Variants in ARHGAP31 observed in about 807,000 individuals in gnomAD.
ARHGAP31 encodes rho GTPase-activating protein 31.
In ARHGAP31, 34 loss-of-function variants were observed where a neutral mutation model predicts 113.9. The observed-to-expected ratio is 0.30, with a 90% CI of 0.23 to 0.40. The LOEUF (loss-of-function observed/expected upper bound fraction) is 0.40. Ranked by LOEUF, ARHGAP31 falls within the 10% of genes least tolerant of loss-of-function variation. The pLI, the probability that ARHGAP31 is intolerant of heterozygous loss-of-function variation, is 1.00. For missense variants in ARHGAP31, 1,548 were observed against 1,767.1 expected (o/e 0.88, Z 2.22); for synonymous variants, 650 against 684.8 (o/e 0.95, Z 0.79).
rs143929743 is a variant in ARHGAP31, at chr3:119,389,995, C to A, written c.683-790C>A. Among the ~76,000 whole-genome samples the A allele has an allele frequency of 5.3e-5, 8 of 152,358 alleles. No homozygotes were observed. The East Asian group carries it at 1.5e-3, about 29-fold the overall frequency. The stretch of plus-strand genomic sequence containing the variant: ...TAGACACCAGTAGCACTGCCACACA[C>A]ATTGATGACCATCAAAAATATCTCC... On this transcript the variant is annotated intron_variant, in intron 6 of 11. Coordinates refer to ENST00000264245, the MANE Select transcript of ARHGAP31 (RefSeq NM_020754.4).
In ARHGAP31 at chr3:119,401,968, G is replaced by T. The variant is rs752955355; in HGVS notation, c.1216G>T (p.Gly406Trp). ...GEWGQEGMPP[G>W]AEGGFDVSSD... ...ATGGGGCCAGGAGGGGATGCCTCCC[G>T]GGGCTGAGGGTGGCTTTGATGTGAG... Residue 406 changes from glycine to tryptophan, a missense_variant, in exon 10 of 12, where the codon GGG (glycine) becomes TGG (tryptophan). By Grantham distance (184) the Gly-to-Trp change is radical. Transcript: ENST00000264245. 1 of 1,614,140 alleles carries T rather than the reference G, an allele frequency of 6.2e-7. No homozygotes were observed. The highest frequency in any genetic ancestry group is 2.2e-5 in the East Asian group (1 of 44,884).
intron 1 of ARHGAP31, among the ~76,000 whole-genome samples, chr3:119,354,678 ATTTTT>A (rs762067141): frequency 5.5e-5 from 7 of 127,232 alleles, no homozygotes; most frequent in South Asian, 2.5e-4. Flanking sequence ...TGCCGGGCTA[ATTTTT>A]TTTTTTTTTT....
chr3:119,345,656 G>T (rs939286386), intron 1 of ARHGAP31, among the ~76,000 whole-genome samples: 1 of 152,160 alleles, frequency 6.6e-6, no homozygotes, highest in African/African-American at 2.4e-5. Flanking sequence ...GTGCCAAAAA[G>T]CACTTGATGA....
intron 1 of ARHGAP31, among the ~76,000 whole-genome samples, chr3:119,342,725 G>A (rs147007191): frequency 5.3e-5 from 8 of 152,174 alleles, no homozygotes; most frequent in Non-Finnish European, 1.0e-4. Flanking sequence ...CAAGGTGGGC[G>A]GATCACCTGA....
intron 6 of ARHGAP31, among the ~76,000 whole-genome samples, chr3:119,383,717 G>C (rs1559987430): frequency 6.6e-6 from 1 of 152,210 alleles, no homozygotes; most frequent in African/African-American, 2.4e-5. Context: ...CTCTTCTCAA[G>C]AATTTCTTGA....
intron 1 of ARHGAP31, among the ~76,000 whole-genome samples, chr3:119,333,468 A>T (rs1201017072): frequency 6.6e-6 from 1 of 152,208 alleles, no homozygotes; most frequent in African/African-American, 2.4e-5. Context: ...CTCCAGCTAT[A>T]TTCTTTTTAA....
At position 119,365,188 on chromosome 3, in the gene ARHGAP31, A is replaced by T; in HGVS notation, c.101-128A>T. On this transcript the variant is annotated intron_variant, in intron 1 of 11. Transcript: ENST00000264245. The stretch of plus-strand genomic sequence containing the variant: ...CTACCACTTACAAGAAATTGTTTCC[A>T]CTTGTAAGTCATATGAGTTCCATAC... 3 of 729,932 alleles carry T rather than the reference A, an allele frequency of 4.1e-6. No homozygotes were observed. In the Admixed American group the frequency reaches 6.8e-5, roughly 17 times the overall value. The allele number at this position is 729,932 out of a possible 1,614,324, so 45.2% of individuals were successfully genotyped here.
intron 1 of ARHGAP31, among the ~76,000 whole-genome samples, chr3:119,360,929 G>A (rs1369145559): frequency 6.6e-6 from 1 of 152,164 alleles, no homozygotes; most frequent in East Asian, 1.9e-4. Context: ...GGCCCAGGAT[G>A]AATCCCACAG....
intron 1 of ARHGAP31, among the ~76,000 whole-genome samples, chr3:119,309,999 T>C (rs1055988665): frequency 2.7e-5 from 4 of 148,890 alleles, no homozygotes; most frequent in African/African-American, 1.0e-4. Flanking sequence ...CAAAATAAAA[T>C]AGAATCTCAG....
intron 1 of ARHGAP31, among the ~76,000 whole-genome samples, chr3:119,328,053 T>C (rs2079861156): frequency 6.6e-6 from 1 of 152,194 alleles, no homozygotes; most frequent in Non-Finnish European, 1.5e-5. Flanking sequence ...TTTTTAGATG[T>C]CTCATATTAG....
chr3:119,325,150 A>T (rs1381783229), intron 1 of ARHGAP31, among the ~76,000 whole-genome samples: 1 of 152,192 alleles, frequency 6.6e-6, no homozygotes, highest in African/African-American at 2.4e-5. Flanking sequence ...TAACTGTTGA[A>T]TCATACCTAC....
intron 1 of ARHGAP31, among the ~76,000 whole-genome samples, chr3:119,330,607 T>G (rs2107606874): frequency 6.6e-6 from 1 of 152,354 alleles, no homozygotes; most frequent in African/African-American, 2.4e-5. Flanking sequence ...GAGCTAATTT[T>G]CTGGTGAGCC....
intron 1 of ARHGAP31, among the ~76,000 whole-genome samples, chr3:119,315,813 T>C (rs1469338883): frequency 6.6e-6 from 1 of 152,206 alleles, no homozygotes; most frequent in Non-Finnish European, 1.5e-5. Flanking sequence ...AAATTTTATT[T>C]GGTTTGTAAA....
chr3:119,396,715 A>G (rs1201405602), intron 8 of ARHGAP31, among the ~76,000 whole-genome samples: 1 of 152,186 alleles, frequency 6.6e-6, no homozygotes, highest in Non-Finnish European at 1.5e-5. Context: ...AAATTCCATA[A>G]ATAAAGACAT....
intron 1 of ARHGAP31, among the ~76,000 whole-genome samples, chr3:119,364,239 AG>A (rs1328586164): frequency 2.8e-5 from 1 of 35,312 alleles, no homozygotes; most frequent in Non-Finnish European, 5.6e-5. Flanking sequence ...GGGGGGATGG[AG>A]GTGGGGGGGC....
intron 6 of ARHGAP31, among the ~76,000 whole-genome samples, chr3:119,388,433 G>A (rs1485258321): frequency 1.3e-5 from 2 of 152,038 alleles, no homozygotes; most frequent in African/African-American, 4.8e-5. Context: ...GAAGAGACGG[G>A]TTTGTTCTCA....
intron 1 of ARHGAP31, among the ~76,000 whole-genome samples, chr3:119,302,677 G>A (rs2079594667): frequency 6.6e-6 from 1 of 152,222 alleles, no homozygotes; most frequent in Non-Finnish European, 1.5e-5. Flanking sequence ...ACCAAGTGAT[G>A]CCAAGATTAT....
chr3:119,416,378 C>G lies in ARHGAP31; in HGVS notation c.*114C>G. On this transcript the variant is annotated 3_prime_UTR_variant, in exon 12 of 12. Transcript: ENST00000264245. ...ATCAAGTTTGGGCCTATTGTGGCCT[C>G]TGACTTCTCTTTCTTCAGCCTTTTG... 1 of 1,453,342 alleles carries G rather than the reference C, an allele frequency of 6.9e-7. No individual in the cohort carries two copies. The highest frequency in any genetic ancestry group is 9.5e-7 in the Non-Finnish European group (1 of 1,056,482). The allele number at this position is 1,453,342 out of a possible 1,614,324, so 90.0% of individuals were successfully genotyped here.
chr3:119,316,367 A>G (rs1267768149), intron 1 of ARHGAP31, among the ~76,000 whole-genome samples: 1 of 152,218 alleles, frequency 6.6e-6, no homozygotes, highest in African/African-American at 2.4e-5. Context: ...TCTAAACAGA[A>G]CTGTTGTTTT....
Sources: allele counts gnomAD v4.1 joint callset (sites outside exome capture counted in the v4.1 genomes callset), GRCh38; gene constraint gnomAD v4.1.1; transcripts MANE v1.5; gene names NCBI Gene and HGNC (gene_info 2026-07-23, HGNC 2026-07-21).